Variants in UFSP2 observed in about 807,000 individuals in gnomAD.
UFSP2 encodes the protein UFM1 specific peptidase 2.
UFSP2 carries 43 observed loss-of-function variants against 60.2 expected under a neutral mutation model. The ratio of observed to expected loss-of-function variants is 0.71; its 90% CI spans 0.56 to 0.92. The LOEUF (loss-of-function observed/expected upper bound fraction) is 0.92, where lower values mean the gene tolerates loss of function less well. Ranked by LOEUF, UFSP2 falls within the 40% of genes least tolerant of loss-of-function variation. UFSP2 has a pLI of 0.00. For synonymous variants in UFSP2, 183 were observed against 195.1 expected, an observed-to-expected ratio of 0.94 and a Z score of 0.52; for missense variants, 520 against 575.0, an observed-to-expected ratio of 0.90 and a Z score of 0.98.
At chr4:185,408,485 C>T in intron 7 of UFSP2, 50 bp from the exon 8 acceptor site, 1 of 1,528,454 alleles carries the variant, frequency 6.5e-7, no homozygotes, top group Non-Finnish European at 9.0e-7. Flanking sequence ...GATAGAAGTA[C>T]ATATTCTATA....
intron 7 of UFSP2, among the ~76,000 whole-genome samples, chr4:185,409,846 TGAG>T (rs2095526248): frequency 6.6e-6 from 1 of 152,116 alleles, no homozygotes; most frequent in African/African-American, 2.4e-5. Context: ...GTAATGTGAC[TGAG>T]GAGGCAGAGA....
intron 8 of UFSP2, 25 bp from the exon 9 acceptor site, chr4:185,408,085 C>T: frequency 3.1e-6 from 5 of 1,609,364 alleles, no homozygotes; most frequent in Non-Finnish European, 4.3e-6. Flanking sequence ...AAATATAAAA[C>T]ATCCATACAC....
At chr4:185,411,564 C>T (rs1024126248) in intron 7 of UFSP2, among the ~76,000 whole-genome samples, 6 of 151,952 alleles carry the variant, frequency 3.9e-5, no homozygotes, top group Admixed American at 6.6e-5. Flanking sequence ...ATAACCAAAC[C>T]GAGTTTATTT....
rs544351411 is a variant in UFSP2 at position 185,400,429 on chromosome 4, T to C, written c.1373A>G (p.Tyr458Cys). The change falls in exon 12 of 12, where the codon TAT becomes TGT. Residue 458 changes from tyrosine to cysteine, a missense_variant. Tyr to Cys is a radical substitution (Grantham distance 194). Transcript: ENST00000264689. ...TGGTCGCTGAGGAAGACATAAGTTATAGTATGCATCCTTGTTCCAAAAATC... is the reference window on the plus strand; with the variant it reads ...TGGTCGCTGAGGAAGACATAAGTTACAGTATGCATCCTTGTTCCAAAAATC... ...GPDFWNKDAY[Y>C]NLCLPQRPNM... 1.4e-5 allele frequency: 22 copies of C among 1,613,856 alleles called. No homozygotes were observed. Among genetic ancestry groups the C allele is most frequent in the Admixed American group, 5.0e-5 (3 of 59,986 alleles).
chr4:185,409,390 A>G (rs934811823), intron 7 of UFSP2, among the ~76,000 whole-genome samples: 7 of 152,076 alleles, frequency 4.6e-5, no homozygotes, highest in Admixed American at 1.3e-4. Flanking sequence ...GGGTCACACT[A>G]TGTTGCTCAG....
chr4:185,401,898 A>G (rs1420390733), intron 11 of UFSP2, among the ~76,000 whole-genome samples: 2 of 152,168 alleles, frequency 1.3e-5, no homozygotes, highest in African/African-American at 4.8e-5. Context: ...TGATGATGAA[A>G]ATAATTAAGG....
At chr4:185,425,774 C>A in intron 1 of UFSP2, 92 bp downstream of exon 1, 3 of 1,538,458 alleles carry the variant, frequency 1.9e-6, no homozygotes, top group East Asian at 2.4e-5. Context: ...CCCGGCAGGA[C>A]CAGCTCCTTT....
At position 185,399,717 on chromosome 4, in the gene UFSP2, C is replaced by G; in HGVS notation, c.*675G>C. 4.3e-6 allele frequency: 7 copies of G among 1,614,102 alleles called. No homozygotes were observed. The highest frequency in any genetic ancestry group is 5.9e-6 in the Non-Finnish European group (7 of 1,180,012). On this transcript the variant is annotated 3_prime_UTR_variant, in exon 12 of 12. Coordinates refer to ENST00000264689, the MANE Select transcript of UFSP2 (RefSeq NM_018359.5). The stretch of plus-strand genomic sequence containing the variant: ...ACAGGAATGATTGTGTTGCCGTGCT[C>G]AGACAGAAACGGAGTCTCGGAAGTG...
chr4:185,420,288 A>T (rs1276967637), intron 2 of UFSP2, among the ~76,000 whole-genome samples: 1 of 152,190 alleles, frequency 6.6e-6, no homozygotes, highest in Non-Finnish European at 1.5e-5. Context: ...ATGTTTGAAT[A>T]TTCAAAAAAT....
intron 11 of UFSP2, 41 bp downstream of exon 11, chr4:185,403,453 T>G (rs1300231652): frequency 1.2e-5 from 20 of 1,602,166 alleles, no homozygotes; most frequent in Middle Eastern, 1.7e-4. Context: ...ATTTCTAGCT[T>G]CTTTGCCTTT....
At chr4:185,415,485 T>C (rs573083913) in intron 5 of UFSP2, 138 bp from the exon 6 acceptor site, 2 of 842,406 alleles carry the variant, frequency 2.4e-6, no homozygotes, top group East Asian at 2.9e-5. Context: ...AATTATACAT[T>C]ATAAAAGAAA....
intron 6 of UFSP2, among the ~76,000 whole-genome samples, chr4:185,414,762 G>C (rs1051482800): frequency 5.3e-5 from 8 of 152,088 alleles, no homozygotes; most frequent in Admixed American, 4.6e-4. Flanking sequence ...TTCAGAATTA[G>C]CATAAGTTAT....
chr4:185,420,830 C>T (rs2095548143), intron 2 of UFSP2, among the ~76,000 whole-genome samples: 1 of 152,166 alleles, frequency 6.6e-6, no homozygotes, highest in Non-Finnish European at 1.5e-5. Context: ...GGAATACAAT[C>T]AAGTCAGAAG....
At position 185,413,883 on chromosome 4, in the gene UFSP2, T is replaced by TCATC. The variant is rs759741764; in HGVS notation, c.685-12_685-11insGATG. On this transcript the variant is annotated splice_polypyrimidine_tract_variant and intron_variant, in intron 6 of 11. Transcript: ENST00000264689. The stretch of plus-strand genomic sequence containing the variant: ...AAGATCATGTAACTCCTAAAATAAA[T>TCATC]CAGAATCAACAGAAAAAGAAAAAAT... The TCATC allele has an allele frequency of 5.7e-6, 9 of 1,581,622 alleles. No homozygotes were observed. Among genetic ancestry groups the TCATC allele is most frequent in the Non-Finnish European group, 3.4e-6 (4 of 1,168,416 alleles).
At chr4:185,422,892 C>G (rs2095552059) in intron 1 of UFSP2, among the ~76,000 whole-genome samples, 1 of 12,054 alleles carries the variant, frequency 8.3e-5, no homozygotes, top group Non-Finnish European at 2.0e-4. Flanking sequence ...CAGGGTCTCA[C>G]TCTGTCACAC....
At chr4:185,406,963 C>T (rs992615927) in intron 9 of UFSP2, among the ~76,000 whole-genome samples, 4 of 147,138 alleles carry the variant, frequency 2.7e-5, no homozygotes, top group Admixed American at 6.9e-5. Context: ...ACAATGAGGA[C>T]GATGTTACTG....
intron 11 of UFSP2, 43 bp from the exon 12 acceptor site, chr4:185,400,521 C>A: frequency 6.9e-7 from 1 of 1,459,540 alleles, no homozygotes; most frequent in Non-Finnish European, 9.5e-7. Context: ...TACAAAGTTA[C>A]AAGATTATGT....
At chr4:185,404,200 C>T (rs1342925987) in intron 10 of UFSP2, among the ~76,000 whole-genome samples, 1 of 151,976 alleles carries the variant, frequency 6.6e-6, no homozygotes, top group Non-Finnish European at 1.5e-5. Flanking sequence ...ATAAACTCCT[C>T]CCAACAGAGT....
intron 11 of UFSP2, among the ~76,000 whole-genome samples, chr4:185,401,721 G>T (rs964245812): frequency 6.6e-6 from 1 of 152,158 alleles, no homozygotes; most frequent in Non-Finnish European, 1.5e-5. Context: ...AGAGCAAGGA[G>T]GTTTCTGCTG....
Sources: gnomAD v4.1 joint callset for allele counts (sites outside exome capture counted in the v4.1 genomes callset) on GRCh38, gnomAD v4.1.1 for gene constraint, MANE v1.5 for transcripts, NCBI Gene and HGNC (gene_info 2026-07-23, HGNC 2026-07-21) for gene names.